Variants in LTBP1 observed in about 807,000 individuals in gnomAD.
LTBP1 encodes latent-transforming growth factor beta-binding protein 1.
A neutral mutation model predicts 207.6 loss-of-function variants in LTBP1; 129 were observed. That is an observed-to-expected ratio of 0.62 (90% CI 0.54 to 0.72). The LOEUF (loss-of-function observed/expected upper bound fraction) is 0.72, where lower values mean the gene tolerates loss of function less well. Ranked by LOEUF, LTBP1 falls within the 30% of genes least tolerant of loss-of-function variation. The probability of loss-of-function intolerance (pLI) is 0.00; values close to 1 mark genes in which losing one functional copy is unlikely to be tolerated. For synonymous variants in LTBP1, 963 were observed against 833.7 expected (o/e 1.16, Z -2.67); for missense variants, 2,281 against 2,217.2 (o/e 1.03, Z -0.58).
intron 8 of LTBP1, among the ~76,000 whole-genome samples, chr2:33,219,796 C>T (rs1388674435): frequency 2.6e-5 from 4 of 152,030 alleles, no homozygotes; most frequent in Non-Finnish European, 4.4e-5. Flanking sequence ...CTCTTGTGTC[C>T]AAACCCCAAA....
intron 11 of LTBP1, among the ~76,000 whole-genome samples, chr2:33,254,553 T>TTTG (rs974792436): frequency 6.7e-6 from 1 of 148,608 alleles, no homozygotes; most frequent in African/African-American, 2.5e-5. Context: ...AACTTGGTTT[T>TTTG]TTTTTTTTTT....
chr2:33,271,310 T>G (rs908759832), intron 15 of LTBP1, among the ~76,000 whole-genome samples: 3 of 152,002 alleles, frequency 2.0e-5, no homozygotes, highest in African/African-American at 4.8e-5. Context: ...TTTTTTTTTT[T>G]GCAAATATGG....
chr2:32,947,731 G>T lies in LTBP1; in HGVS notation c.407G>T (p.Arg136Met). 4 of 1,537,546 alleles carry T rather than the reference G, an allele frequency of 2.6e-6. No homozygotes were observed. Among genetic ancestry groups the T allele is most frequent in the Non-Finnish European group, 3.5e-6 (4 of 1,143,662 alleles). Residue 136 changes from arginine (R) to methionine (M), a missense_variant, in exon 1 of 34, where the codon AGG (arginine) becomes ATG (methionine). Arg to Met is a moderately conservative substitution (Grantham distance 91). Transcript: ENST00000404816. ...GCCGCCCCGTTCACCAAACAAGGCA[G>T]GCAAGTTGTGCGCTCCAAGGTGCCG... ...PAAAPFTKQG[R>M]QVVRSKVPQE...
At chr2:33,282,376 A>G (rs1417014859) in intron 19 of LTBP1, among the ~76,000 whole-genome samples, 9 of 152,168 alleles carry the variant, frequency 5.9e-5, no homozygotes, top group Admixed American at 3.9e-4. Context: ...TCCATTGTTC[A>G]TATTGGACTT....
At chr2:33,276,836 G>A (rs1333129265) in intron 18 of LTBP1, among the ~76,000 whole-genome samples, 1 of 152,200 alleles carries the variant, frequency 6.6e-6, no homozygotes, top group African/African-American at 2.4e-5. Context: ...AGGTGACAGA[G>A]AAAAACCTTG....
chr2:33,124,127 G>A (rs1433381817), intron 4 of LTBP1, among the ~76,000 whole-genome samples: 2 of 152,170 alleles, frequency 1.3e-5, no homozygotes, highest in Non-Finnish European at 1.5e-5. Flanking sequence ...ACTCAAATGC[G>A]GCCAGGTACG....
intron 32 of LTBP1, among the ~76,000 whole-genome samples, chr2:33,395,893 A>C (rs1036089676): frequency 4.7e-5 from 7 of 148,804 alleles, no homozygotes; most frequent in African/African-American, 1.8e-4. Context: ...CCAGATAGAA[A>C]GTTCTAGCCA....
chr2:33,138,657 T>C (rs1200068301), intron 5 of LTBP1, among the ~76,000 whole-genome samples: 1 of 152,140 alleles, frequency 6.6e-6, no homozygotes, highest in Non-Finnish European at 1.5e-5. Context: ...AACATATAAA[T>C]TCGTGTCACA....
chr2:33,301,140 A>C (rs1459446084), intron 21 of LTBP1, among the ~76,000 whole-genome samples: 2 of 152,202 alleles, frequency 1.3e-5, no homozygotes, highest in South Asian at 2.1e-4. Flanking sequence ...TTAAAGAAAC[A>C]TTTCATTGAA....
At chr2:33,053,883 A>G (rs1349011008) in intron 3 of LTBP1, among the ~76,000 whole-genome samples, 1 of 152,128 alleles carries the variant, frequency 6.6e-6, no homozygotes, top group Non-Finnish European at 1.5e-5. Context: ...TAAATCATCC[A>G]CATATTGAAG....
intron 24 of LTBP1, among the ~76,000 whole-genome samples, chr2:33,324,513 T>A (rs57687710): frequency 0.022 from 3,316 of 152,154 alleles, 58 homozygotes; most frequent in Middle Eastern, 0.11. Context: ...AAGGAATGAT[T>A]GCATTGTCAT....
intron 19 of LTBP1, among the ~76,000 whole-genome samples, chr2:33,288,014 G>A (rs1226621978): frequency 1.3e-5 from 2 of 152,172 alleles, no homozygotes; most frequent in Non-Finnish European, 2.9e-5. Flanking sequence ...TTTGGGGTAG[G>A]GGATAATCCT....
At chr2:33,290,904 C>T (rs546332177) in intron 19 of LTBP1, among the ~76,000 whole-genome samples, 6 of 152,310 alleles carry the variant, frequency 3.9e-5, no homozygotes, top group Admixed American at 6.5e-5. Context: ...TCTGGGCCAA[C>T]GATATAATGC....
At chr2:33,023,951 A>G (rs956297552) in intron 3 of LTBP1, among the ~76,000 whole-genome samples, 1 of 152,284 alleles carries the variant, frequency 6.6e-6, no homozygotes, top group African/African-American at 2.4e-5. Flanking sequence ...GTGTTTAACC[A>G]GTAAAGGAGG....
At chr2:33,031,371 C>T (rs576055265) in intron 3 of LTBP1, among the ~76,000 whole-genome samples, 2 of 152,288 alleles carry the variant, frequency 1.3e-5, no homozygotes, top group African/African-American at 2.4e-5. Flanking sequence ...CCTCCTGGCC[C>T]CCAGAACACA....
chr2:33,364,872 C>A (rs2094966122), intron 30 of LTBP1, among the ~76,000 whole-genome samples: 1 of 152,146 alleles, frequency 6.6e-6, no homozygotes, highest in Non-Finnish European at 1.5e-5. Context: ...TGGATGAAGT[C>A]AATTGAAAGG....
chr2:33,055,606 G>T (rs2149552236), intron 3 of LTBP1, among the ~76,000 whole-genome samples: 1 of 152,294 alleles, frequency 6.6e-6, no homozygotes, highest in East Asian at 1.9e-4. Flanking sequence ...TGCAGCTAAA[G>T]CCGCATTCTT....
At chr2:33,336,748 T>A (rs1380302392) in intron 24 of LTBP1, among the ~76,000 whole-genome samples, 2 of 152,022 alleles carry the variant, frequency 1.3e-5, no homozygotes, top group South Asian at 2.1e-4. Context: ...AAGAAGGAAG[T>A]CAACAAAATA....
chr2:32,992,100 T>C (rs1303830209), intron 2 of LTBP1, among the ~76,000 whole-genome samples: 1 of 152,214 alleles, frequency 6.6e-6, no homozygotes, highest in Non-Finnish European at 1.5e-5. Context: ...TCTGCTCAAT[T>C]CAACAAGTTG....
Sources: gnomAD v4.1 joint callset for allele counts (sites outside exome capture counted in the v4.1 genomes callset) on GRCh38, gnomAD v4.1.1 for gene constraint, MANE v1.5 for transcripts, NCBI Gene and HGNC (gene_info 2026-07-23, HGNC 2026-07-21) for gene names.